Variants in PTPN3 observed in about 807,000 individuals in gnomAD.
The protein encoded by PTPN3 is tyrosine-protein phosphatase non-receptor type 3.
In PTPN3, 96 loss-of-function variants were observed where a neutral mutation model predicts 132.7. The ratio of observed to expected loss-of-function variants is 0.72; its 90% CI spans 0.61 to 0.86. The LOEUF (loss-of-function observed/expected upper bound fraction) is 0.86. PTPN3 is among the 40% of genes least tolerant of loss of function. The pLI is 0.00. For synonymous variants in PTPN3, 398 were observed against 429.0 expected (o/e 0.93, Z 0.89); for missense variants, 1,125 against 1,159.6 (o/e 0.97, Z 0.43).
intron 1 of PTPN3, among the ~76,000 whole-genome samples, chr9:109,465,752 A>T (rs1014873384): frequency 6.6e-6 from 1 of 151,892 alleles, no homozygotes; most frequent in South Asian, 2.1e-4. Context: ...TAATTCTACA[A>T]ATCAAATTGG....
intron 13 of PTPN3, among the ~76,000 whole-genome samples, chr9:109,422,166 C>T (rs941474228): frequency 9.9e-5 from 15 of 152,184 alleles, no homozygotes; most frequent in Admixed American, 7.9e-4. Flanking sequence ...GAGTTTAGGT[C>T]TTTCTGCTAC....
At chr9:109,459,461 C>T (rs1284224232) in intron 2 of PTPN3, among the ~76,000 whole-genome samples, 1 of 152,244 alleles carries the variant, frequency 6.6e-6, no homozygotes, top group East Asian at 1.9e-4. Flanking sequence ...TTGAACCAGG[C>T]TGCTGGAAGC....
At chr9:109,479,009 G>A (rs1232380099) in intron 1 of PTPN3, among the ~76,000 whole-genome samples, 1 of 140,614 alleles carries the variant, frequency 7.1e-6, no homozygotes, top group South Asian at 2.2e-4. Context: ...GTAAACAAGC[G>A]TTTTTTTTTT....
intron 14 of PTPN3, chr9:109,417,446 T>C (rs1416369336): frequency 2.6e-6 from 1 of 392,138 alleles, no homozygotes; most frequent in African/African-American, 2.2e-5. Context: ...AATGCTTCTT[T>C]TTGCCTCTTA....
the PTPN3 span, among the ~76,000 whole-genome samples, chr9:109,531,975 C>T: frequency 6.6e-6 from 1 of 152,260 alleles, no homozygotes; most frequent in South Asian, 2.1e-4. Flanking sequence ...GAATGTATTT[C>T]GTTCCACATT....
At chr9:109,463,733 TTTTTA>T (rs1429913748) in intron 1 of PTPN3, among the ~76,000 whole-genome samples, 1 of 152,236 alleles carries the variant, frequency 6.6e-6, no homozygotes, top group Non-Finnish European at 1.5e-5. Context: ...GGCTTTTAAA[TTTTTA>T]TTTATGTTTC....
intron 19 of PTPN3, among the ~76,000 whole-genome samples, chr9:109,403,202 T>C (rs1194165987): frequency 4.6e-5 from 7 of 152,240 alleles, no homozygotes; most frequent in African/African-American, 1.7e-4. Context: ...CTTTAATGTG[T>C]TTTCACATGC....
chr9:109,457,780 A>G (rs920364995), intron 2 of PTPN3, among the ~76,000 whole-genome samples: 5 of 152,220 alleles, frequency 3.3e-5, no homozygotes, highest in Non-Finnish European at 7.3e-5. Context: ...TTGGCTCCTC[A>G]GGACACACCT....
the PTPN3 span, chr9:109,532,944 GTTTTTTTTTTTTT>G: frequency 0.025 from 7,629 of 310,996 alleles, 17 homozygotes; most frequent in South Asian, 0.033. Flanking sequence ...TCTTTTCTGG[GTTTTTTTTTTTTT>G]TTTTTTTTTT....
the PTPN3 span, among the ~76,000 whole-genome samples, chr9:109,525,324 C>T: frequency 2.0e-5 from 3 of 152,204 alleles, no homozygotes; most frequent in African/African-American, 7.2e-5. Flanking sequence ...TCCCAAAGTG[C>T]TAGGATTACA....
At chr9:109,380,604 A>G (rs939678211) in intron 25 of PTPN3, among the ~76,000 whole-genome samples, 11 of 152,182 alleles carry the variant, frequency 7.2e-5, no homozygotes, top group Admixed American at 3.3e-4. Context: ...CTTTTTAACC[A>G]GCCACGAGGT....
intron 2 of PTPN3, among the ~76,000 whole-genome samples, chr9:109,459,707 A>G (rs1029288930): frequency 3.3e-5 from 5 of 152,054 alleles, no homozygotes; most frequent in African/African-American, 1.2e-4. Flanking sequence ...TAACCACTGC[A>G]CCCAGCCTGT....
At chr9:109,534,388 G>A in the PTPN3 span, 177 of 1,461,508 alleles carry the variant, frequency 1.2e-4, no homozygotes, top group Non-Finnish European at 1.5e-4. Flanking sequence ...CTCCCGGGGT[G>A]TGATGGTAGC....
In PTPN3 at chr9:109,454,835, T is replaced by TA. The variant is rs145479754; in HGVS notation, c.290-262dup. The stretch of plus-strand genomic sequence containing the variant: ...CACACGTTTATCTTAGGGCTGTGTT[T>TA]AAACATTGCACTCCGTCATCTGTAT... On this transcript the variant is annotated intron_variant, in intron 4 of 25. Transcript: ENST00000374541. Among the ~76,000 whole-genome samples, 1,191 of 152,372 alleles carry TA rather than the reference T, an allele frequency of 7.8e-3. 12 individuals carry two copies. Among genetic ancestry groups the TA allele is most frequent in the African/African-American group, 0.026 (1,095 of 41,596 alleles).
the PTPN3 span, among the ~76,000 whole-genome samples, chr9:109,510,032 G>A: frequency 2.0e-5 from 3 of 152,174 alleles, no homozygotes; most frequent in African/African-American, 7.2e-5. Context: ...GGAGCAAAAG[G>A]AAATAGACCC....
chr9:109,377,459 A>ACAC lies in PTPN3; in HGVS notation c.*2096_*2097insGTG, dbSNP rs1564361892. ...ACACACACACACACACACACACACA[A>ACAC]GCCAGGTGAGGTGGCATGTGCCTAT... On this transcript the variant is annotated 3_prime_UTR_variant, in exon 26 of 26. Coordinates refer to ENST00000374541, the MANE Select transcript of PTPN3 (RefSeq NM_002829.4). The ACAC allele has an allele frequency of 3.7e-4, 39 of 104,576 alleles. No homozygotes were observed. The highest frequency in any genetic ancestry group is 1.9e-3 in the East Asian group (7 of 3,618). 6.5% of individuals were successfully genotyped at this position (104,576 alleles called of 1,614,324 possible).
At chr9:109,391,879 G>GC (rs1554777654) in intron 19 of PTPN3, among the ~76,000 whole-genome samples, 20 of 96,928 alleles carry the variant, frequency 2.1e-4, no homozygotes, top group East Asian at 1.4e-3. Flanking sequence ...GTGGGGGGGG[G>GC]GGGGAAGAAT....
At chr9:109,404,762 T>C (rs1360965392) in intron 18 of PTPN3, among the ~76,000 whole-genome samples, 154 bp from the exon 19 acceptor site, 1 of 152,244 alleles carries the variant, frequency 6.6e-6, no homozygotes, top group Non-Finnish European at 1.5e-5. Context: ...TCACCAAAGA[T>C]ACTACTTCTA....
At position 109,438,195 on chromosome 9, in the gene PTPN3, C is replaced by T. The variant is rs1250037030; in HGVS notation, c.506G>A (p.Gly169Asp). Residue 169 changes from glycine to aspartate, a missense_variant, in exon 8 of 26, where the codon GGC becomes GAC. Physicochemically the swap from Gly to Asp is moderately conservative, Grantham distance 94. Transcript: ENST00000374541. ...GDYNSSIHHP[G>D]YLSDSHFIPD... ...TATAAAGTGACTATCGGAAAGATAGCCTGGATGATGTATGGAAGAATTATA... is the reference window on the plus strand; with the variant it reads ...TATAAAGTGACTATCGGAAAGATAGTCTGGATGATGTATGGAAGAATTATA... The T allele has an allele frequency of 3.7e-6, 6 of 1,612,718 alleles. No individual in the cohort carries two copies. The South Asian group carries it at 5.5e-5, about 15-fold the overall frequency.
Sources: allele counts gnomAD v4.1 joint callset (sites outside exome capture counted in the v4.1 genomes callset), GRCh38; gene constraint gnomAD v4.1.1; transcripts MANE v1.5; gene names NCBI Gene and HGNC (gene_info 2026-07-23, HGNC 2026-07-21).